The following DENND4A variants were observed in gnomAD, a reference collection of about 807,000 sequenced individuals.
The protein encoded by DENND4A is DENN domain containing 4A.
Under a neutral mutation model 199.3 loss-of-function variants are expected in DENND4A, and 70 were observed. That is an observed-to-expected ratio of 0.35 (90% CI 0.29 to 0.43). The LOEUF is 0.43. Ranked by LOEUF, DENND4A falls within the 20% of genes least tolerant of loss-of-function variation. The pLI is 1.00. For synonymous variants in DENND4A, 686 were observed against 766.9 expected, an observed-to-expected ratio of 0.89 and a Z score of 1.74; for missense variants, 1,723 against 2,255.8, an observed-to-expected ratio of 0.76 and a Z score of 4.78.
At chr15:65,772,623 C>T (rs2077164679) in intron 1 of DENND4A, among the ~76,000 whole-genome samples, 1 of 137,790 alleles carries the variant, frequency 7.3e-6, no homozygotes, top group African/African-American at 2.6e-5. Flanking sequence ...AGGAGAATCG[C>T]TTGAACCTGG....
At chr15:65,674,137 C>T (rs2076298423) in intron 24 of DENND4A, among the ~76,000 whole-genome samples, 1 of 151,880 alleles carries the variant, frequency 6.6e-6, no homozygotes, top group East Asian at 1.9e-4. Flanking sequence ...TGTATGGACC[C>T]CAATGTGAAA....
At chr15:65,750,152 T>TA (rs921480321) in intron 4 of DENND4A, among the ~76,000 whole-genome samples, 1 of 152,036 alleles carries the variant, frequency 6.6e-6, no homozygotes, top group Non-Finnish European at 1.5e-5. Context: ...TATACAATCA[T>TA]AAAAAAAGAA....
At chr15:65,709,587 G>A (rs1183721197) in intron 14 of DENND4A, among the ~76,000 whole-genome samples, 7 of 149,634 alleles carry the variant, frequency 4.7e-5, no homozygotes, top group African/African-American at 1.5e-4. Context: ...CCAGCTACTC[G>A]GGAAGCTAAG....
chr15:65,791,387 C>T (rs559501925), intron 1 of DENND4A, among the ~76,000 whole-genome samples: 1 of 152,028 alleles, frequency 6.6e-6, no homozygotes, highest in African/African-American at 2.4e-5. Flanking sequence ...TTTTTCCTGC[C>T]CCCCACCTCC....
At chr15:65,704,598 T>C (rs1451573680) in intron 15 of DENND4A, among the ~76,000 whole-genome samples, 1 of 152,124 alleles carries the variant, frequency 6.6e-6, no homozygotes, top group Non-Finnish European at 1.5e-5. Context: ...TGAAATAATG[T>C]GGTTTTTTTG....
intron 22 of DENND4A, among the ~76,000 whole-genome samples, chr15:65,692,412 A>C (rs1360310374): frequency 1.3e-5 from 2 of 152,198 alleles, no homozygotes; most frequent in Non-Finnish European, 2.9e-5. Context: ...TGTTCTTACT[A>C]TATGTGGGAG....
chr15:65,736,693 G>A (rs572385992), intron 7 of DENND4A, among the ~76,000 whole-genome samples: 1 of 152,248 alleles, frequency 6.6e-6, no homozygotes, highest in South Asian at 2.1e-4. Context: ...CAAACTTTCT[G>A]AAAATATGAT....
At chr15:65,666,778 C>CA (rs36113125) in intron 29 of DENND4A, among the ~76,000 whole-genome samples, 4,935 of 91,556 alleles carry the variant, frequency 0.054, 124 homozygotes, top group Middle Eastern at 0.088. Context: ...GACCTTGTGT[C>CA]AAAAAAAAAA....
At chr15:65,683,658 C>T (rs2076656585) in intron 23 of DENND4A, among the ~76,000 whole-genome samples, 1 of 152,082 alleles carries the variant, frequency 6.6e-6, no homozygotes, top group African/African-American at 2.4e-5. Flanking sequence ...TTTTCTTGAT[C>T]TCTTACTTAT....
intron 23 of DENND4A, among the ~76,000 whole-genome samples, chr15:65,682,801 A>C (rs999906417): frequency 2.0e-5 from 3 of 152,184 alleles, no homozygotes; most frequent in Admixed American, 1.3e-4. Flanking sequence ...AGGGTTATTA[A>C]TTGGCCTAAT....
chr15:65,706,062 C>A (rs1288684342), intron 15 of DENND4A, 29 bp downstream of exon 15: 2 of 1,494,432 alleles, frequency 1.3e-6, no homozygotes, highest in East Asian at 2.5e-5. Context: ...TTCTCTCTTT[C>A]AATCTCAAAC....
Position 65,738,710 on chromosome 15 carries a change from T to A in DENND4A, c.797A>T (p.Glu266Val), listed in dbSNP as rs1270254851. 2.5e-6 allele frequency: 4 copies of A among 1,607,838 alleles called. No individual in the cohort carries two copies. Among genetic ancestry groups the A allele is most frequent in the Non-Finnish European group, 2.5e-6 (3 of 1,177,800 alleles). ...AATTTGTCAAACACATAATACCTTT[T>A]CAGCTGAGGCTCCAGTTAAAACAAA... ...STFVLTGASA[E>V]KVYGAAIQFY... The change falls in exon 6 of 33, where the codon GAA becomes GTA. Residue 266 changes from glutamate to valine, a missense_variant. Physicochemically the swap from Glu to Val is moderately radical, Grantham distance 121. This residue lies in a region of DENND4A where 725 missense variants were observed against 952.9 expected (regional missense o/e 0.76). Coordinates refer to ENST00000443035, the MANE Select transcript of DENND4A (RefSeq NM_001320835.1).
intron 23 of DENND4A, among the ~76,000 whole-genome samples, chr15:65,681,946 T>C (rs192943500): frequency 7.8e-4 from 119 of 152,350 alleles, no homozygotes; most frequent in Admixed American, 6.6e-3. Flanking sequence ...ATATATTTTT[T>C]CTGAGCAGTA....
chr15:65,744,889 G>A (rs2076349287), intron 4 of DENND4A, among the ~76,000 whole-genome samples: 1 of 152,104 alleles, frequency 6.6e-6, no homozygotes, highest in Non-Finnish European at 1.5e-5. Flanking sequence ...GAGGTGACAA[G>A]TAGTTACTTA....
chr15:65,774,696 A>T (rs1225916102), intron 1 of DENND4A, among the ~76,000 whole-genome samples: 1 of 151,862 alleles, frequency 6.6e-6, no homozygotes, highest in African/African-American at 2.4e-5. Context: ...AATAAAAATA[A>T]GATGTTTTAT....
intron 13 of DENND4A, among the ~76,000 whole-genome samples, chr15:65,716,492 G>A (rs984815562): frequency 4.1e-5 from 6 of 147,558 alleles, no homozygotes; most frequent in Non-Finnish European, 7.4e-5. Flanking sequence ...GAGAACATGC[G>A]GTGTTTGGTT....
chr15:65,752,784 G>C (rs1033289232), intron 3 of DENND4A, among the ~76,000 whole-genome samples, 156 bp from the exon 4 acceptor site: 1 of 151,518 alleles, frequency 6.6e-6, no homozygotes, highest in Non-Finnish European at 1.5e-5. Context: ...ATGAATTAAA[G>C]AATAACTCTT....
At position 65,729,684 on chromosome 15, in the gene DENND4A, A is replaced by G. The variant is rs777654068; in HGVS notation, c.1167-6T>C. 1.3e-6 allele frequency: 2 copies of G among 1,543,714 alleles called. No homozygotes were observed. The highest frequency in any genetic ancestry group is 8.7e-7 in the Non-Finnish European group (1 of 1,144,658). ...GTGTTGAAAACTTGCCACCACTGTCAATCCAAACAAAAATATATAATTAAA... is the reference window on the plus strand; with the variant it reads ...GTGTTGAAAACTTGCCACCACTGTCGATCCAAACAAAAATATATAATTAAA... On this transcript the variant is annotated splice_region_variant and splice_polypyrimidine_tract_variant and intron_variant, in intron 9 of 32. Transcript: ENST00000443035.
At chr15:65,675,794 G>A (rs2076356208) in intron 24 of DENND4A, among the ~76,000 whole-genome samples, 1 of 152,146 alleles carries the variant, frequency 6.6e-6, no homozygotes, top group Admixed American at 6.5e-5. Flanking sequence ...CAGTGGGAAT[G>A]CAAAATAACC....
Sources: allele counts gnomAD v4.1 joint callset (sites outside exome capture counted in the v4.1 genomes callset), GRCh38; gene constraint gnomAD v4.1.1; regional missense constraint gnomAD v4.1.1; transcripts MANE v1.5; gene names NCBI Gene and HGNC (gene_info 2026-07-23, HGNC 2026-07-21).